The following SETX variants were observed in gnomAD, a reference collection of about 807,000 sequenced individuals.
SETX encodes helicase senataxin.
In SETX, 90 loss-of-function variants were observed where a neutral mutation model predicts 227.2. That is an observed-to-expected ratio of 0.40 (90% CI 0.33 to 0.47). The LOEUF (loss-of-function observed/expected upper bound fraction) is 0.47, where lower values mean the gene tolerates loss of function less well. Ranked by LOEUF, SETX falls within the 20% of genes least tolerant of loss-of-function variation. The probability of loss-of-function intolerance (pLI) is 0.91; values close to 1 mark genes in which losing one functional copy is unlikely to be tolerated. For missense variants in SETX, 3,052 were observed against 3,181.5 expected, an observed-to-expected ratio of 0.96 and a Z score of 0.98; for synonymous variants, 1,210 against 1,113.2, an observed-to-expected ratio of 1.09 and a Z score of -1.73.
intron 10 of SETX, among the ~76,000 whole-genome samples, chr9:132,320,971 C>T (rs184398400): frequency 5.9e-5 from 9 of 152,284 alleles, no homozygotes; most frequent in African/African-American, 2.2e-4. Context: ...CTGTTCCTCC[C>T]TGGTCCCAGC....
chr9:132,270,522 C>T (rs1032390672), intron 24 of SETX, among the ~76,000 whole-genome samples: 1 of 152,230 alleles, frequency 6.6e-6, no homozygotes, highest in Non-Finnish European at 1.5e-5. Context: ...TCTTACTCTC[C>T]GTCCCAATAC....
chr9:132,289,989 A>G (rs1022490121), intron 15 of SETX, among the ~76,000 whole-genome samples: 25 of 152,140 alleles, frequency 1.6e-4, no homozygotes, highest in African/African-American at 5.8e-4. Flanking sequence ...TGGGCAAATC[A>G]CTTGAGGTAA....
chr9:132,278,404 G>A (rs1287522029), intron 20 of SETX, 147 bp from the exon 21 acceptor site: 2 of 331,640 alleles, frequency 6.0e-6, no homozygotes, highest in African/African-American at 2.2e-5. Context: ...GAAAAAAGGT[G>A]TTTCTGACTC....
chr9:132,278,029 A>C (rs1843263443), intron 21 of SETX, 41 bp downstream of exon 21: 1 of 1,573,856 alleles, frequency 6.4e-7, no homozygotes, highest in Non-Finnish European at 8.7e-7. Flanking sequence ...AAGTAGCTAA[A>C]CTACAACAAA....
chr9:132,325,847 A>T (rs1846708204), intron 10 of SETX, among the ~76,000 whole-genome samples: 1 of 150,676 alleles, frequency 6.6e-6, no homozygotes, highest in Non-Finnish European at 1.5e-5. Flanking sequence ...CAGGAGAATC[A>T]CTTGAACCTG....
intron 22 of SETX, among the ~76,000 whole-genome samples, chr9:132,276,253 A>G (rs761772632): frequency 6.6e-6 from 1 of 152,190 alleles, no homozygotes; most frequent in Admixed American, 6.5e-5. Flanking sequence ...TCTGCGGCTT[A>G]ACTCGCAATC....
chr9:132,350,738 T>G (rs1848556005), intron 2 of SETX, among the ~76,000 whole-genome samples: 1 of 152,172 alleles, frequency 6.6e-6, no homozygotes, highest in South Asian at 2.1e-4. Context: ...TAGGGTAGCT[T>G]TCAACATTAA....
intron 12 of SETX, among the ~76,000 whole-genome samples, chr9:132,299,676 G>C (rs1844872295): frequency 6.6e-6 from 1 of 152,184 alleles, no homozygotes; most frequent in African/African-American, 2.4e-5. Flanking sequence ...GAAAAACAAT[G>C]TGGACTTTGC....
chr9:132,327,233 T>C lies in SETX; in HGVS notation c.4365A>G (p.Glu1455=). The C allele has an allele frequency of 6.2e-7, 1 of 1,614,216 alleles. No homozygotes were observed. ...GGTCTTCTGAAGTGGAGACAATTAC[T>C]TCATTTGTTGGTACTGTTCCATTTA... The part of the protein sequence containing the change: ...VVLNGTVPTN[E]VIVSTSEDPL... Residue 1455 remains glutamate, a synonymous_variant, in exon 10 of 26, where the codon GAA becomes GAG. Coordinates refer to ENST00000224140, the MANE Select transcript of SETX (RefSeq NM_015046.7).
intron 6 of SETX, among the ~76,000 whole-genome samples, chr9:132,335,096 A>C (rs1002407597): frequency 1.3e-5 from 2 of 152,172 alleles, no homozygotes; most frequent in African/African-American, 4.8e-5. Flanking sequence ...GAAATGGTAT[A>C]GAAGTATTTT....
chr9:132,323,123 T>C (rs1846472648), intron 10 of SETX, among the ~76,000 whole-genome samples: 2 of 152,182 alleles, frequency 1.3e-5, no homozygotes, highest in South Asian at 2.1e-4. Flanking sequence ...AGGACAGGCC[T>C]CGCTAACATG....
In SETX at chr9:132,288,624, C is replaced by T. The variant is rs147247576; in HGVS notation, c.6134G>A (p.Arg2045Gln). The change falls in exon 16 of 26, where the codon CGA (arginine) becomes CAA (glutamine). Residue 2045 changes from arginine (R) to glutamine (Q), a missense_variant. By Grantham distance (43) the Arg-to-Gln change is conservative (BLOSUM62 1). Transcript: ENST00000224140. The stretch of plus-strand genomic sequence containing the variant: ...ATTAATAGACTTTTCTGGACCCAGT[C>T]GTACTAAATTTATATCTCCACAGTT... ...LGNCGDINLVRLGPEKSINSE... is the reference protein window; with the variant it reads ...LGNCGDINLVQLGPEKSINSE... 2 of 1,613,562 alleles carry T rather than the reference C, an allele frequency of 1.2e-6. No individual in the cohort carries two copies. The highest frequency in any genetic ancestry group is 1.1e-5 in the South Asian group (1 of 91,052).
At position 132,328,901 on chromosome 9, in the gene SETX, A is replaced by G. The variant is rs367831255; in HGVS notation, c.2697T>C (p.Phe899=). 1 of 1,613,974 alleles carries G rather than the reference A, an allele frequency of 6.2e-7. No individual in the cohort carries two copies. Among genetic ancestry groups the G allele is most frequent in the Non-Finnish European group, 8.5e-7 (1 of 1,179,974 alleles). The change falls in exon 10 of 26, where the codon TTT becomes TTC. Residue 899 remains phenylalanine, a synonymous_variant. Coordinates refer to ENST00000224140, the MANE Select transcript of SETX (RefSeq NM_015046.7). ...FHVDGKELIP[F]TEMTNASEKK... ...TCTCTGAAGCATTGGTCATTTCTGT[A>G]AAAGGGATCAATTCTTTACCATCAA...
chr9:132,265,014 T>C (rs759203605), intron 25 of SETX, 29 bp from the exon 26 acceptor site: 10 of 1,609,440 alleles, frequency 6.2e-6, no homozygotes, highest in East Asian at 2.2e-5. Flanking sequence ...GAGAAATAAT[T>C]ACACCCCAAA....
chr9:132,351,742 A>C (rs1476552645), intron 2 of SETX, among the ~76,000 whole-genome samples: 1 of 152,246 alleles, frequency 6.6e-6, no homozygotes, highest in Non-Finnish European at 1.5e-5. Flanking sequence ...TATTGCTTCT[A>C]AACTACTGTG....
At chr9:132,266,546 C>T (rs1034744490) in intron 25 of SETX, among the ~76,000 whole-genome samples, 8 of 152,142 alleles carry the variant, frequency 5.3e-5, no homozygotes, top group African/African-American at 1.4e-4. Flanking sequence ...CTGAGGCGGG[C>T]GGATCACCTG....
At chr9:132,278,396 A>T in intron 20 of SETX, 139 bp from the exon 21 acceptor site, 1 of 748,332 alleles carries the variant, frequency 1.3e-6, no homozygotes, top group Non-Finnish European at 2.2e-6. Flanking sequence ...GCTTCAGAGA[A>T]AAAAGGTGTT....
At position 132,327,694 on chromosome 9, in the gene SETX, G is replaced by A. The variant is rs755449808; in HGVS notation, c.3904C>T (p.Arg1302Trp). The A allele has an allele frequency of 1.4e-5, 22 of 1,613,852 alleles. No homozygotes were observed. The highest frequency in any genetic ancestry group is 3.3e-5 in the South Asian group (3 of 91,084). Residue 1302 changes from arginine to tryptophan, a missense_variant, in exon 10 of 26, where the codon CGG (arginine) becomes TGG (tryptophan). By Grantham distance (101) the Arg-to-Trp change is moderately radical (BLOSUM62 -3). Coordinates refer to ENST00000224140, the MANE Select transcript of SETX (RefSeq NM_015046.7). ...GPRKAYELSQRSLDYVAQLRD... is the reference protein window; with the variant it reads ...GPRKAYELSQWSLDYVAQLRD... ...AATTGAGCTACATAATCCAAAGACCGCTGGGACAACTCATATGCCTTACGA... is the reference window on the plus strand; with the variant it reads ...AATTGAGCTACATAATCCAAAGACCACTGGGACAACTCATATGCCTTACGA...
At chr9:132,283,920 C>G (rs182285588) in intron 18 of SETX, among the ~76,000 whole-genome samples, 1 of 152,160 alleles carries the variant, frequency 6.6e-6, no homozygotes, top group African/African-American at 2.4e-5. Context: ...CAGTAAGGAA[C>G]AGTCTGGTCT....
Sources: gnomAD v4.1 joint callset for allele counts (sites outside exome capture counted in the v4.1 genomes callset) on GRCh38, gnomAD v4.1.1 for gene constraint, MANE v1.5 for transcripts, NCBI Gene and HGNC (gene_info 2026-07-23, HGNC 2026-07-21) for gene names.